RNF216: variants seen among roughly 807,000 people sequenced by gnomAD.
RNF216 encodes the protein ring finger protein 216.
A neutral mutation model predicts 110.8 loss-of-function variants in RNF216; 72 were observed. The observed-to-expected ratio is 0.65, with a 90% CI of 0.54 to 0.79. RNF216 has a LOEUF of 0.79. Among genes scored for constraint, RNF216 ranks in the 30% least tolerant of loss-of-function variants. The pLI, the probability that RNF216 is intolerant of heterozygous loss-of-function variation, is 0.00. For missense variants in RNF216, 1,342 were observed against 1,141.2 expected (o/e 1.18, Z -2.54); for synonymous variants, 495 against 407.5 (o/e 1.21, Z -2.59).
chr7:5,674,144 C>T (rs1331874335), intron 13 of RNF216, among the ~76,000 whole-genome samples: 2 of 152,002 alleles, frequency 1.3e-5, no homozygotes, highest in Non-Finnish European at 2.9e-5. Flanking sequence ...ATTCTCCTGC[C>T]TCAGCCTCCT....
chr7:5,652,075 A>G (rs77308135), intron 14 of RNF216, among the ~76,000 whole-genome samples: 2,259 of 152,326 alleles, frequency 0.015, 49 homozygotes, highest in African/African-American at 0.051. Flanking sequence ...TCTCAGGCCA[A>G]CAGTTTCCTA....
rs368862069 is a variant in RNF216 at position 5,641,392 on chromosome 7, A to G, written c.2160-16T>C. On this transcript the variant is annotated splice_polypyrimidine_tract_variant and intron_variant, in intron 14 of 16. Transcript: ENST00000389902. The stretch of plus-strand genomic sequence containing the variant: ...TTTTTCTTCACTGAAATAAGAAAAC[A>G]TAATTTGGAGCTGGGAGGGAAGATG... The G allele has an allele frequency of 5.6e-6, 9 of 1,604,612 alleles. No homozygotes were observed. The African/African-American group carries it at 6.7e-5, about 12-fold the overall frequency.
intron 1 of RNF216, 77 bp from the exon 2 acceptor site, chr7:5,761,215 T>G: frequency 1.9e-6 from 1 of 534,558 alleles, no homozygotes; most frequent in Non-Finnish European, 3.2e-6. Flanking sequence ...CAGGGGAACA[T>G]CTGAAGCTTA....
chr7:5,700,677 G>T (rs919145320), intron 13 of RNF216, among the ~76,000 whole-genome samples: 1 of 152,124 alleles, frequency 6.6e-6, no homozygotes, highest in Non-Finnish European at 1.5e-5. Flanking sequence ...AATCCACAGA[G>T]AATCTTTTTC....
In RNF216 at chr7:5,710,579, T is replaced by C. The variant is rs3801018; in HGVS notation, c.2061+1182A>G. 6.1e-3 allele frequency among the ~76,000 whole-genome samples: 935 copies of C among 152,230 alleles called. 30 individuals are homozygous for C. The highest frequency in any genetic ancestry group is 0.047 in the Admixed American group (720 of 15,298). ...TCACCTGGACTACTCAATAGGCAAG[T>C]AGACTTTCCTTATATTTTATCTCTC... On this transcript the variant is annotated intron_variant, in intron 13 of 16. Coordinates refer to ENST00000389902, the MANE Select transcript of RNF216 (RefSeq NM_207111.4).
chr7:5,668,956 C>T (rs1222526876), intron 13 of RNF216, among the ~76,000 whole-genome samples: 1 of 152,240 alleles, frequency 6.6e-6, no homozygotes, highest in Non-Finnish European at 1.5e-5. Flanking sequence ...CCACAGGGCT[C>T]TTATCCAGCC....
At chr7:5,747,451 C>G (rs530916785) in intron 3 of RNF216, among the ~76,000 whole-genome samples, 1 of 152,302 alleles carries the variant, frequency 6.6e-6, no homozygotes, top group African/African-American at 2.4e-5. Flanking sequence ...TACTTATGGG[C>G]CAGGCAAAGC....
chr7:5,646,256 C>T (rs1788041529), intron 14 of RNF216, among the ~76,000 whole-genome samples: 1 of 152,082 alleles, frequency 6.6e-6, no homozygotes, highest in Admixed American at 6.6e-5. Flanking sequence ...GTAGTCCCAG[C>T]AACTCGTGAG....
chr7:5,650,406 G>T (rs764117185), intron 14 of RNF216, among the ~76,000 whole-genome samples: 11 of 152,204 alleles, frequency 7.2e-5, no homozygotes, highest in Non-Finnish European at 1.5e-4. Context: ...TGCTTTGTAA[G>T]TAATTCTCCT....
intron 3 of RNF216, among the ~76,000 whole-genome samples, chr7:5,751,115 C>A (rs1413293589): frequency 1.3e-5 from 2 of 152,128 alleles, no homozygotes; most frequent in South Asian, 2.1e-4. Context: ...GTGCTGTGCA[C>A]CCTCAGAAAG....
chr7:5,733,147 T>G (rs1794188898), intron 5 of RNF216: 1 of 152,174 alleles, frequency 6.6e-6, no homozygotes, highest in African/African-American at 2.4e-5. Flanking sequence ...AGTTTAGTTG[T>G]GGAGTTAACA....
intron 2 of RNF216, among the ~76,000 whole-genome samples, chr7:5,753,939 G>C (rs7789481): frequency 0.076 from 11,533 of 152,104 alleles, 471 homozygotes; most frequent in South Asian, 0.1. Flanking sequence ...AGGTTGCAGT[G>C]AGCTGAGATC....
At chr7:5,683,634 A>T (rs1790793131) in intron 13 of RNF216, among the ~76,000 whole-genome samples, 1 of 152,158 alleles carries the variant, frequency 6.6e-6, no homozygotes, top group South Asian at 2.1e-4. Flanking sequence ...CTTTGAGTGC[A>T]CACTTAACCT....
rs917899530 is a variant in RNF216, at chr7:5,624,980, C to G, written c.2383-855G>C. Among the ~76,000 whole-genome samples the G allele has an allele frequency of 1.4e-5, 2 of 146,802 alleles. No individual in the cohort carries two copies. The highest frequency in any genetic ancestry group is 4.2e-4 in the South Asian group (2 of 4,752). The stretch of plus-strand genomic sequence containing the variant: ...GCTTCATGAGTGGCGCTTACCTTAA[C>G]CCCCCTCCTCAGTGACCCACAAAAC... On this transcript the variant is annotated intron_variant, in intron 15 of 16. Transcript: ENST00000389902. This position sits in a 1 kb window ranked among gnomAD's most constrained non-coding sequence, Gnocchi z 4.4.
intron 5 of RNF216, 52 bp from the exon 6 acceptor site, chr7:5,730,869 C>T (rs763985728): frequency 1.1e-5 from 17 of 1,575,324 alleles, no homozygotes; most frequent in African/African-American, 6.9e-5. Context: ...CCCACACCTG[C>T]CCATTGCTTC....
chr7:5,747,504 G>A (rs1397252348), intron 3 of RNF216, among the ~76,000 whole-genome samples: 1 of 152,180 alleles, frequency 6.6e-6, no homozygotes, highest in African/African-American at 2.4e-5. Flanking sequence ...TTTCCAAAAT[G>A]TTTCAGCTCT....
At chr7:5,704,153 T>C (rs921426390) in intron 13 of RNF216, among the ~76,000 whole-genome samples, 2 of 152,226 alleles carry the variant, frequency 1.3e-5, no homozygotes, top group African/African-American at 4.8e-5. Context: ...CAGTGTCTTA[T>C]TCTTCAGGGA....
At chr7:5,761,345 C>A (rs1795923887) in intron 1 of RNF216, among the ~76,000 whole-genome samples, 1 of 150,484 alleles carries the variant, frequency 6.6e-6, no homozygotes, top group Non-Finnish European at 1.5e-5. Flanking sequence ...ATTAAAGAGA[C>A]AAAGTACTGA....
At chr7:5,697,183 C>T (rs1791682382) in intron 13 of RNF216, among the ~76,000 whole-genome samples, 1 of 150,316 alleles carries the variant, frequency 6.7e-6, no homozygotes, top group Non-Finnish European at 1.5e-5. Flanking sequence ...GTAAAGTTCT[C>T]CCCATCTCCG....
Sources: gnomAD v4.1 joint callset for allele counts (sites outside exome capture counted in the v4.1 genomes callset) on GRCh38, gnomAD v4.1.1 for gene constraint, Gnocchi (gnomAD v3.1) non-coding constraint, MANE v1.5 for transcripts, NCBI Gene and HGNC (gene_info 2026-07-23, HGNC 2026-07-21) for gene names.